Variants in TMIGD2 observed in about 807,000 individuals in gnomAD.
The protein encoded by TMIGD2 is transmembrane and immunoglobulin domain-containing protein 2.
A neutral mutation model predicts 22.6 loss-of-function variants in TMIGD2; 18 were observed. The ratio of observed to expected loss-of-function variants is 0.80; its 90% CI spans 0.55 to 1.18. The LOEUF (loss-of-function observed/expected upper bound fraction) is 1.18, where lower values mean the gene tolerates loss of function less well. TMIGD2 is among the 50% of genes most tolerant of loss of function. The pLI, the probability that TMIGD2 is intolerant of heterozygous loss-of-function variation, is 0.00. For missense variants in TMIGD2, 361 were observed against 378.2 expected, an observed-to-expected ratio of 0.95 and a Z score of 0.38; for synonymous variants, 184 against 154.1, an observed-to-expected ratio of 1.19 and a Z score of -1.44.
chr19:4,293,297 A>T (rs1347985437), intron 4 of TMIGD2, among the ~76,000 whole-genome samples: 3 of 113,474 alleles, frequency 2.6e-5, no homozygotes, highest in African/African-American at 3.6e-5. Flanking sequence ...TTACTCTGTC[A>T]CCTGGGCTGG....
intron 1 of TMIGD2, among the ~76,000 whole-genome samples, chr19:4,300,809 G>T (rs889963009): frequency 5.9e-5 from 9 of 152,226 alleles, no homozygotes; most frequent in Admixed American, 2.6e-4. Context: ...CGTGTGGCTG[G>T]AGCAGAGTGA....
In TMIGD2 at chr19:4,294,765, C is replaced by T; in HGVS notation, c.448+10G>A. 2.5e-6 allele frequency: 4 copies of T among 1,586,056 alleles called. No individual in the cohort carries two copies. The highest frequency in any genetic ancestry group is 3.4e-6 in the Non-Finnish European group (4 of 1,167,130). ...AAGACGCTGGGGGAGGAACACAGGG[C>T]AGGGCTCACCTGGGAAGCTTGCGAT... On this transcript the variant is annotated intron_variant, in intron 3 of 4. Transcript: ENST00000301272.
At chr19:4,294,886 GGGGA>G in intron 2 of TMIGD2, 70 bp from the exon 3 acceptor site, 1 of 1,423,214 alleles carries the variant, frequency 7.0e-7, no homozygotes, top group Non-Finnish European at 9.3e-7. Flanking sequence ...GCTCACTTGG[GGGGA>G]CCTAAGTGTT....
chr19:4,301,135 G>T (rs887428584), intron 1 of TMIGD2, among the ~76,000 whole-genome samples: 4 of 152,024 alleles, frequency 2.6e-5, no homozygotes, highest in African/African-American at 9.7e-5. Flanking sequence ...ACCACGCCCA[G>T]CTAATTTTTG....
rs142235606 is a variant in TMIGD2, at chr19:4,300,941, G to A, written c.46+1399C>T. Among the ~76,000 whole-genome samples the A allele has an allele frequency of 2.6e-3, 400 of 151,984 alleles. 1 individual carries two copies. Among genetic ancestry groups the A allele is most frequent in the African/African-American group, 9.3e-3 (386 of 41,472 alleles). On this transcript the variant is annotated intron_variant, in intron 1 of 4. Transcript: ENST00000301272. The stretch of plus-strand genomic sequence containing the variant: ...AGTGTGATGGAAAATCAGAAAGCAG[G>A]GAAGAAATAGTCCAATTGAAGTTTT...
At position 4,302,090 on chromosome 19, in the gene TMIGD2, T is replaced by G. The variant is rs1401323768; in HGVS notation, c.46+250A>C. Among the ~76,000 whole-genome samples, 4 of 152,006 alleles carry G rather than the reference T, an allele frequency of 2.6e-5. No homozygotes were observed. In the East Asian group the frequency reaches 7.7e-4, roughly 29 times the overall value. On this transcript the variant is annotated intron_variant, in intron 1 of 4. Coordinates refer to ENST00000301272, the Ensembl canonical transcript of TMIGD2. ...AGCAAGAGGGAGGGAGCAAAGGCAC[T>G]GCGGAGGGTGGAGATGAGAGAGGCC...
At chr19:4,293,474 C>G (rs577314446) in intron 4 of TMIGD2, among the ~76,000 whole-genome samples, 3 of 144,436 alleles carry the variant, frequency 2.1e-5, no homozygotes, top group African/African-American at 5.3e-5. Flanking sequence ...GTTGGCCAGG[C>G]TGGTCTCGAA....
chr19:4,301,974 A>G (rs1971542098), intron 1 of TMIGD2, among the ~76,000 whole-genome samples: 1 of 152,184 alleles, frequency 6.6e-6, no homozygotes, highest in Non-Finnish European at 1.5e-5. Context: ...GGAGAAGGGT[A>G]TTAGGCAGCT....
chr19:4,300,904 T>C (rs1040084715), intron 1 of TMIGD2, among the ~76,000 whole-genome samples: 3 of 152,202 alleles, frequency 2.0e-5, no homozygotes, highest in African/African-American at 7.2e-5. Context: ...AAGCAGTTTA[T>C]GTTTTAATGT....
At chr19:4,299,361 G>A (rs1424436694) in intron 1 of TMIGD2, among the ~76,000 whole-genome samples, 2 of 151,876 alleles carry the variant, frequency 1.3e-5, no homozygotes, top group Non-Finnish European at 2.9e-5. Flanking sequence ...GCCCAGGCTG[G>A]TGTTGAATTC....
At chr19:4,300,793 G>C (rs1207321313) in intron 1 of TMIGD2, among the ~76,000 whole-genome samples, 1 of 152,216 alleles carries the variant, frequency 6.6e-6, no homozygotes, top group African/African-American at 2.4e-5. Flanking sequence ...GAACAGCGAG[G>C]AGGCCCGTGT....
chr19:4,299,408 A>G (rs763537254), intron 1 of TMIGD2, among the ~76,000 whole-genome samples: 2 of 151,156 alleles, frequency 1.3e-5, no homozygotes, highest in Admixed American at 6.6e-5. Context: ...ACGCCTCCCA[A>G]AGTGCTGGGA....
chr19:4,292,927 TC>T, intron 4 of TMIGD2, 42 bp from the exon 5 acceptor site: 2 of 1,603,504 alleles, frequency 1.2e-6, no homozygotes, highest in Non-Finnish European at 8.5e-7. Flanking sequence ...CTTAAGAGAG[TC>T]CTGCCCTCTC....
At chr19:4,294,555 A>ACCCT (rs748703651) in intron 4 of TMIGD2, 24 bp downstream of exon 4, 2 of 1,609,240 alleles carry the variant, frequency 1.2e-6, no homozygotes, top group South Asian at 2.2e-5. Flanking sequence ...CCTCCGCCCT[A>ACCCT]CCCTCCCTTA....
intron 1 of TMIGD2, among the ~76,000 whole-genome samples, chr19:4,299,007 A>G (rs865956299): frequency 6.6e-6 from 1 of 152,192 alleles, no homozygotes. Flanking sequence ...CTAGGGCAAG[A>G]GAGACACAGG....
intron 1 of TMIGD2, 50 bp from the exon 2 acceptor site, chr19:4,298,395 G>A: frequency 1.3e-6 from 2 of 1,505,188 alleles, no homozygotes; most frequent in Non-Finnish European, 8.8e-7. Context: ...GCGCATGTGA[G>A]GCTGTGTGAC....
intron 3 of TMIGD2, 32 bp from the exon 4 acceptor site, chr19:4,294,712 G>A: frequency 6.4e-7 from 1 of 1,572,266 alleles, no homozygotes; most frequent in Non-Finnish European, 8.6e-7. Flanking sequence ...GGTCTAATCA[G>A]GAGGGGAAGG....
intron 2 of TMIGD2, among the ~76,000 whole-genome samples, chr19:4,296,989 C>T (rs776535373): frequency 6.6e-6 from 1 of 151,954 alleles, no homozygotes; most frequent in African/African-American, 2.4e-5. Flanking sequence ...TCTGGTTCAC[C>T]TGGCTCATCT....
chr19:4,294,799 T>G, exon 3 of TMIGD2: 1 of 1,590,240 alleles, frequency 6.3e-7, no homozygotes. Context: ...ATCCGGTTTC[T>G]GTTCTGTGTG....
Sources: gnomAD v4.1 joint callset for allele counts (sites outside exome capture counted in the v4.1 genomes callset) on GRCh38, gnomAD v4.1.1 for gene constraint, MANE v1.5 for transcripts, NCBI Gene and HGNC (gene_info 2026-07-23, HGNC 2026-07-21) for gene names.